The following ODAD2 variants were observed in gnomAD, a reference collection of about 807,000 sequenced individuals.
ODAD2 encodes the protein outer dynein arm docking complex subunit 2.
ODAD2 carries 89 observed loss-of-function variants against 106.8 expected under a neutral mutation model. The ratio of observed to expected loss-of-function variants is 0.83; its 90% CI spans 0.70 to 0.99. ODAD2 has a LOEUF of 0.99. Ranked by LOEUF, ODAD2 falls within the 50% of genes least tolerant of loss-of-function variation. ODAD2 has a pLI of 0.00. For missense variants in ODAD2, 1,168 were observed against 1,238.5 expected (o/e 0.94, Z 0.85); for synonymous variants, 404 against 436.2 (o/e 0.93, Z 0.92).
intron 17 of ODAD2, among the ~76,000 whole-genome samples, chr10:27,865,918 T>C (rs1383311727): frequency 6.6e-6 from 1 of 152,224 alleles, no homozygotes; most frequent in East Asian, 1.9e-4. Context: ...GGGCTGGTTC[T>C]CAATAGTAAA....
At chr10:27,959,579 A>G (rs1406533958) in intron 10 of ODAD2, among the ~76,000 whole-genome samples, 3 of 152,182 alleles carry the variant, frequency 2.0e-5, no homozygotes, top group South Asian at 2.1e-4. Flanking sequence ...TGCCAAAGGG[A>G]AGTGCAGGAG....
chr10:27,911,947 C>CA (rs1309952257), intron 16 of ODAD2, among the ~76,000 whole-genome samples: 1 of 152,162 alleles, frequency 6.6e-6, no homozygotes, highest in Non-Finnish European at 1.5e-5. Flanking sequence ...TTCATTGCAT[C>CA]AAAAATCTCT....
intron 19 of ODAD2, among the ~76,000 whole-genome samples, chr10:27,818,177 T>G (rs1314755058): frequency 6.6e-6 from 1 of 151,824 alleles, no homozygotes; most frequent in Non-Finnish European, 1.5e-5. Flanking sequence ...TGTTTTTTCC[T>G]CACTTCTGCT....
chr10:27,970,970 T>TTAAATAAA lies in ODAD2; in HGVS notation c.1142+130_1142+137dup, dbSNP rs59193868. 491 of 306,150 alleles carry TTAAATAAA rather than the reference T, an allele frequency of 1.6e-3. 1 individual carries two copies. The highest frequency in any genetic ancestry group is 4.2e-3 in the South Asian group (30 of 7,076). 19.0% of individuals were successfully genotyped at this position (306,150 alleles called of 1,614,324 possible). A position where few individuals can be genotyped will look rare whatever the true frequency, so the allele number is the denominator to read the frequency against. ...CTGGGCAACAGAGCAAGACTCCATCTTAAATAAATAAATAAATAAATAAAT... is the reference window on the plus strand; with the variant it reads ...CTGGGCAACAGAGCAAGACTCCATCTTAAATAAATAAATAAATAAATAAATAAATAAAT... On this transcript the variant is annotated intron_variant, in intron 8 of 19. Coordinates refer to ENST00000305242, the MANE Select transcript of ODAD2 (RefSeq NM_018076.5).
rs1341744317 is a variant in ODAD2, at chr10:27,885,674, TATATATAATATATA to T, written c.2610+21975_2610+21988del. ...TATATATAATATATTATATATAAAA[TATATATAATATATA>T]ATATATAATATATATAAAATATATA... is the stretch of plus-strand genomic sequence containing the variant. On this transcript the variant is annotated intron_variant, in intron 17 of 19. Transcript: ENST00000305242. Among the ~76,000 whole-genome samples, 12 of 15,956 alleles carry T rather than the reference TATATATAATATATA, an allele frequency of 7.5e-4. 1 individual carries two copies. Among genetic ancestry groups the T allele is most frequent in the East Asian group, 2.1e-3 (1 of 474 alleles). The allele number at this position is 15,956 out of a possible 152,430, so 10.5% of individuals were successfully genotyped here. A position where few individuals can be genotyped will look rare whatever the true frequency, so the allele number is the denominator to read the frequency against.
intron 9 of ODAD2, among the ~76,000 whole-genome samples, chr10:27,964,347 G>A (rs1303598051): frequency 2.0e-5 from 3 of 152,146 alleles, no homozygotes; most frequent in South Asian, 2.1e-4. Flanking sequence ...TTTAACTTAC[G>A]TGTGCCTCGG....
intron 17 of ODAD2, among the ~76,000 whole-genome samples, chr10:27,898,328 C>T (rs1306768870): frequency 1.3e-5 from 2 of 151,774 alleles, no homozygotes; most frequent in African/African-American, 4.8e-5. Context: ...CTTCAATTTC[C>T]AAAAAAAACA....
At chr10:27,918,253 A>T (rs936926151) in intron 16 of ODAD2, among the ~76,000 whole-genome samples, 3 of 151,972 alleles carry the variant, frequency 2.0e-5, no homozygotes, top group African/African-American at 7.2e-5. Flanking sequence ...ATATCTCATG[A>T]ACATAAACAC....
In ODAD2 at chr10:27,859,836, T is replaced by TAAAC. The variant is rs543670883; in HGVS notation, c.3021+785_3021+788dup. On this transcript the variant is annotated intron_variant, in intron 19 of 19. Transcript: ENST00000305242. Reference sequence around the variant, plus strand: ...TTTCCTGTCTACTGATGCACAGATTTAAACAAACAAACAAACAAACAAACA... The same window carrying TAAAC: ...TTTCCTGTCTACTGATGCACAGATTTAAACAAACAAACAAACAAACAAACAAACA... Among the ~76,000 whole-genome samples, 782 of 152,246 alleles carry TAAAC rather than the reference T, an allele frequency of 5.1e-3. 3 individuals are homozygous for TAAAC. Among genetic ancestry groups the TAAAC allele is most frequent in the Admixed American group, 0.017 (262 of 15,266 alleles).
chr10:27,976,624 A>G (rs1233268652), intron 7 of ODAD2, among the ~76,000 whole-genome samples: 2 of 152,168 alleles, frequency 1.3e-5, no homozygotes, highest in Non-Finnish European at 2.9e-5. Flanking sequence ...GAGACATACT[A>G]TGTTCATGGA....
chr10:27,834,563 G>A (rs903827317), intron 19 of ODAD2, among the ~76,000 whole-genome samples: 5 of 152,110 alleles, frequency 3.3e-5, no homozygotes, highest in Non-Finnish European at 5.9e-5. Flanking sequence ...GGACATCCAG[G>A]GGACTGTGCT....
chr10:27,859,537 G>T (rs545195245), intron 19 of ODAD2, among the ~76,000 whole-genome samples: 41 of 152,190 alleles, frequency 2.7e-4, no homozygotes, highest in South Asian at 1.7e-3. Context: ...ACTAACTGGG[G>T]TTTTTAACTC....
intron 3 of ODAD2, 118 bp downstream of exon 3, chr10:27,987,268 T>C: frequency 1.1e-6 from 1 of 885,392 alleles, no homozygotes; most frequent in Non-Finnish European, 1.7e-6. Flanking sequence ...CTTTTTACCT[T>C]GTAGATTGTA....
chr10:27,885,680 TAATATATAATATATAATATATATAA>T, intron 17 of ODAD2, among the ~76,000 whole-genome samples: 1 of 13,846 alleles, frequency 7.2e-5, no homozygotes, highest in East Asian at 1.6e-3. Context: ...AAAATATATA[TAATATATAATATATAATATATATAA>T]AATATATATT....
chr10:27,945,138 T>C (rs940177828), intron 10 of ODAD2, among the ~76,000 whole-genome samples, 176 bp from the exon 11 acceptor site: 1 of 152,188 alleles, frequency 6.6e-6, no homozygotes, highest in African/African-American at 2.4e-5. Context: ...TAAAACATTG[T>C]TCCAATTAAG....
intron 8 of ODAD2, among the ~76,000 whole-genome samples, chr10:27,969,968 T>C (rs1848730942): frequency 2.0e-5 from 3 of 151,970 alleles, no homozygotes; most frequent in Non-Finnish European, 4.4e-5. Context: ...TAGCCAGCCG[T>C]GGTGTCACAC....
intron 14 of ODAD2, among the ~76,000 whole-genome samples, chr10:27,939,569 C>CA (rs1208224436): frequency 6.6e-6 from 1 of 151,802 alleles, no homozygotes. Flanking sequence ...ACCAAAAATA[C>CA]AAAAACAATT....
chr10:27,858,408 A>C (rs898495638), intron 19 of ODAD2, among the ~76,000 whole-genome samples: 1 of 152,152 alleles, frequency 6.6e-6, no homozygotes, highest in Non-Finnish European at 1.5e-5. Context: ...ATTTACAAAA[A>C]AGTACCCTGT....
intron 16 of ODAD2, among the ~76,000 whole-genome samples, chr10:27,920,602 G>A (rs750811843): frequency 6.6e-6 from 1 of 152,022 alleles, no homozygotes; most frequent in Non-Finnish European, 1.5e-5. Context: ...TTAAATCTAC[G>A]TGCTTTAAAA....
Sources: allele counts gnomAD v4.1 joint callset (sites outside exome capture counted in the v4.1 genomes callset), GRCh38; gene constraint gnomAD v4.1.1; transcripts MANE v1.5; gene names NCBI Gene and HGNC (gene_info 2026-07-23, HGNC 2026-07-21).